ANGPT1: variants seen among roughly 807,000 people sequenced by gnomAD.
The protein encoded by ANGPT1 is angiopoietin 1.
A neutral mutation model predicts 62.2 loss-of-function variants in ANGPT1; 17 were observed. The ratio of observed to expected loss-of-function variants is 0.27; its 90% CI spans 0.19 to 0.41. ANGPT1 has a LOEUF of 0.41. Among genes scored for constraint, ANGPT1 ranks in the 10% least tolerant of loss-of-function variants. The pLI, the probability that ANGPT1 is intolerant of heterozygous loss-of-function variation, is 1.00. For missense variants in ANGPT1, 478 were observed against 594.9 expected (o/e 0.80, Z 2.04); for synonymous variants, 199 against 198.9 (o/e 1.00, Z 0.00).
In ANGPT1 at chr8:107,284,794, T is replaced by C. The variant is rs1398064812; in HGVS notation, c.1093A>G (p.Ile365Val). ...YWLGNEFIFA[I>V]TSQRQYMLRI... ...AGCATGTACTGCCTCTGACTGGTAA[T>C]GGCAAAAATAAACTCATTCCCCAGC... Residue 365 changes from isoleucine to valine, a missense_variant, in exon 7 of 9, where the codon ATT (isoleucine) becomes GTT (valine). Physicochemically the swap from Ile to Val is conservative, Grantham distance 29 (BLOSUM62 3). Around this residue, in one of 4 missense-constraint regions of ANGPT1, gnomAD observed 81 missense variants for 117.1 expected, o/e 0.69. Transcript: ENST00000517746. 4 of 1,610,834 alleles carry C rather than the reference T, an allele frequency of 2.5e-6. No individual in the cohort carries two copies. In the African/African-American group the frequency reaches 4.0e-5, roughly 16 times the overall value.
intron 1 of ANGPT1, among the ~76,000 whole-genome samples, chr8:107,424,489 G>A (rs1156234645): frequency 6.6e-6 from 1 of 152,090 alleles, no homozygotes; most frequent in Admixed American, 6.5e-5. Context: ...CTAACAGGAT[G>A]TTTCTTTAGT....
intron 1 of ANGPT1, among the ~76,000 whole-genome samples, chr8:107,367,631 T>C (rs1035840227): frequency 6.6e-6 from 1 of 152,218 alleles, no homozygotes; most frequent in Non-Finnish European, 1.5e-5. Flanking sequence ...GTAGAACTTT[T>C]TCAAAATGGG....
chr8:107,288,917 T>C (rs1055832296), intron 6 of ANGPT1, among the ~76,000 whole-genome samples: 7 of 152,084 alleles, frequency 4.6e-5, no homozygotes, highest in African/African-American at 1.7e-4. Context: ...TTACCCCCAA[T>C]AGCCTGTAAC....
chr8:107,477,787 C>T (rs1428375986), intron 1 of ANGPT1, among the ~76,000 whole-genome samples: 2 of 151,852 alleles, frequency 1.3e-5, no homozygotes, highest in Non-Finnish European at 2.9e-5. Context: ...ATATGTATTT[C>T]TTCCTTTGAA....
intron 1 of ANGPT1, among the ~76,000 whole-genome samples, chr8:107,442,912 T>C (rs188432754): frequency 4.5e-4 from 69 of 152,314 alleles, no homozygotes; most frequent in African/African-American, 1.2e-3. Context: ...GCTGCACTTA[T>C]ATTTTTGGTA....
intron 1 of ANGPT1, among the ~76,000 whole-genome samples, chr8:107,457,825 TACACAC>T (rs148742634): frequency 0.061 from 4,950 of 81,720 alleles, 273 homozygotes; most frequent in African/African-American, 0.2. Context: ...ACATACCCAC[TACACAC>T]ACACACACAC....
chr8:107,451,964 T>C (rs2130456045), intron 1 of ANGPT1, among the ~76,000 whole-genome samples: 1 of 152,086 alleles, frequency 6.6e-6, no homozygotes, highest in East Asian at 1.9e-4. Context: ...TTCTGTTTAC[T>C]TAATTCCTAA....
At chr8:107,396,780 C>T (rs1274472801) in intron 1 of ANGPT1, among the ~76,000 whole-genome samples, 2 of 151,984 alleles carry the variant, frequency 1.3e-5, no homozygotes, top group African/African-American at 4.8e-5. Flanking sequence ...ACCACGACCC[C>T]CTAAAGTGCT....
At chr8:107,400,012 G>A (rs1381236341) in intron 1 of ANGPT1, among the ~76,000 whole-genome samples, 5 of 152,122 alleles carry the variant, frequency 3.3e-5, no homozygotes, top group African/African-American at 7.2e-5. Flanking sequence ...AGAGCCACAT[G>A]CACACCATCA....
At chr8:107,327,744 TGAG>T (rs912584909) in intron 3 of ANGPT1, among the ~76,000 whole-genome samples, 3 of 152,086 alleles carry the variant, frequency 2.0e-5, no homozygotes, top group African/African-American at 7.2e-5. Context: ...GGAAACACTT[TGAG>T]AAGAGACATG....
intron 1 of ANGPT1, among the ~76,000 whole-genome samples, chr8:107,421,142 G>A (rs1810885588): frequency 6.6e-6 from 1 of 151,988 alleles, no homozygotes; most frequent in Non-Finnish European, 1.5e-5. Context: ...GAGTGAAAAC[G>A]ATTTTACATA....
At chr8:107,445,403 G>T (rs893914163) in intron 1 of ANGPT1, among the ~76,000 whole-genome samples, 2 of 152,086 alleles carry the variant, frequency 1.3e-5, no homozygotes, top group African/African-American at 4.8e-5. Context: ...ATGCTCCTAG[G>T]TTCCTAGAAT....
chr8:107,478,521 T>G (rs1046530257), intron 1 of ANGPT1, among the ~76,000 whole-genome samples: 1 of 152,024 alleles, frequency 6.6e-6, no homozygotes, highest in Non-Finnish European at 1.5e-5. Flanking sequence ...TGCACTCCAG[T>G]CTGGGCAACA....
At chr8:107,418,841 G>T (rs1161534158) in intron 1 of ANGPT1, among the ~76,000 whole-genome samples, 1 of 152,152 alleles carries the variant, frequency 6.6e-6, no homozygotes, top group African/African-American at 2.4e-5. Flanking sequence ...AGAACTAATA[G>T]AGATTTGTTT....
chr8:107,469,438 C>T (rs1812288401), intron 1 of ANGPT1, among the ~76,000 whole-genome samples: 1 of 151,918 alleles, frequency 6.6e-6, no homozygotes, highest in African/African-American at 2.4e-5. Context: ...GGGGGGTACA[C>T]ATGATACCAC....
chr8:107,407,878 T>C (rs1325097345), intron 1 of ANGPT1, among the ~76,000 whole-genome samples: 1 of 152,178 alleles, frequency 6.6e-6, no homozygotes, highest in Non-Finnish European at 1.5e-5. Flanking sequence ...CAGAAAGAGA[T>C]GACCACAATG....
Position 107,261,477 on chromosome 8 carries a change from G to A in ANGPT1, c.1336+2744C>T, listed in dbSNP as rs193127608. Among the ~76,000 whole-genome samples the A allele has an allele frequency of 5.9e-4, 89 of 152,086 alleles. No homozygotes were observed. The East Asian group carries it at 0.015, about 26-fold the overall frequency. Reference sequence around the variant, plus strand: ...TCCCAGCACTTTGGGAGGCCGAGGCGGTCGGATCATGAGGTCAGGAGATTC... The same window carrying A: ...TCCCAGCACTTTGGGAGGCCGAGGCAGTCGGATCATGAGGTCAGGAGATTC... On this transcript the variant is annotated intron_variant, in intron 8 of 8. Transcript: ENST00000517746.
At chr8:107,451,967 A>G (rs1415474094) in intron 1 of ANGPT1, among the ~76,000 whole-genome samples, 1 of 151,662 alleles carries the variant, frequency 6.6e-6, no homozygotes, top group Non-Finnish European at 1.5e-5. Flanking sequence ...TGTTTACTTA[A>G]TTCCTAAATT....
At chr8:107,468,594 T>A (rs941831122) in intron 1 of ANGPT1, among the ~76,000 whole-genome samples, 3 of 152,080 alleles carry the variant, frequency 2.0e-5, no homozygotes, top group Admixed American at 2.0e-4. Flanking sequence ...TTATAGAGTA[T>A]AGTTACTTAA....
Sources: gnomAD v4.1 joint callset for allele counts (sites outside exome capture counted in the v4.1 genomes callset) on GRCh38, gnomAD v4.1.1 for gene constraint, gnomAD v4.1.1 regional missense constraint, MANE v1.5 for transcripts, NCBI Gene and HGNC (gene_info 2026-07-23, HGNC 2026-07-21) for gene names.